Variants in SAP30L observed in about 807,000 individuals in gnomAD.
The protein encoded by SAP30L is histone deacetylase complex subunit SAP30L.
In SAP30L, 10 loss-of-function variants were observed where a neutral mutation model predicts 22.3. The observed-to-expected ratio is 0.45, with a 90% CI of 0.28 to 0.76. The LOEUF is 0.76. Among genes scored for constraint, SAP30L ranks in the 30% least tolerant of loss-of-function variants. SAP30L has a pLI of 0.14. For missense variants in SAP30L, 206 were observed against 237.9 expected (o/e 0.87, Z 0.88); for synonymous variants, 91 against 94.1 (o/e 0.97, Z 0.19).
chr5:154,448,329 A>G (rs1305843633), intron 1 of SAP30L, among the ~76,000 whole-genome samples: 3 of 152,224 alleles, frequency 2.0e-5, no homozygotes, highest in African/African-American at 4.8e-5. Flanking sequence ...GTTAATCATT[A>G]TAATACAGTT....
At chr5:154,449,294 G>A (rs906933725) in intron 1 of SAP30L, among the ~76,000 whole-genome samples, 1 of 152,088 alleles carries the variant, frequency 6.6e-6, no homozygotes, top group African/African-American at 2.4e-5. Flanking sequence ...TAGTATAAAG[G>A]AAAATGCTGG....
intron 2 of SAP30L, 184 bp from the exon 3 acceptor site, chr5:154,453,217 GT>G: frequency 1.9e-6 from 1 of 531,002 alleles, no homozygotes; most frequent in Non-Finnish European, 3.4e-6. Flanking sequence ...AGCCAGAACT[GT>G]TTTTCTACTG....
chr5:154,448,223 G>A (rs1303303287), intron 1 of SAP30L, among the ~76,000 whole-genome samples: 3 of 151,926 alleles, frequency 2.0e-5, no homozygotes, highest in Admixed American at 6.6e-5. Context: ...TGATCCACCC[G>A]CCTAGGCCTC....
At chr5:154,453,537 A>T (rs372096620) in intron 3 of SAP30L, 37 bp downstream of exon 3, 1 of 1,320,476 alleles carries the variant, frequency 7.6e-7, no homozygotes, top group Non-Finnish European at 1.1e-6. Context: ...GAGAGCCAGC[A>T]TTGTGCTGCT....
rs371604665 is a variant in SAP30L, at chr5:154,455,849, G to A, written c.424-51G>A. Reference sequence around the variant, plus strand: ...CTTCTTTGTACAATGTAGAATTTGCGGTGTGATTTGTGCATGGTTTAAGGA... The same window carrying A: ...CTTCTTTGTACAATGTAGAATTTGCAGTGTGATTTGTGCATGGTTTAAGGA... On this transcript the variant is annotated intron_variant, in intron 3 of 3. Coordinates refer to ENST00000297109, the MANE Select transcript of SAP30L (RefSeq NM_024632.6). 293 of 1,558,334 alleles carry A rather than the reference G, an allele frequency of 1.9e-4. No individual in the cohort carries two copies. The African/African-American group carries it at 3.7e-3, about 20-fold the overall frequency.
In SAP30L at chr5:154,459,086, C is replaced by G. The variant is rs1300210982; in HGVS notation, c.*3058C>G. ...TTTTTGTTAATATCCTGCAGGGCAA[C>G]TGCCTGTTGGGAGGGAGAGGATGGA... On this transcript the variant is annotated 3_prime_UTR_variant, in exon 4 of 4. Coordinates refer to ENST00000297109, the MANE Select transcript of SAP30L (RefSeq NM_024632.6). 2.0e-5 allele frequency: 3 copies of G among 152,190 alleles called. No individual in the cohort carries two copies. Among genetic ancestry groups the G allele is most frequent in the Non-Finnish European group, 4.4e-5 (3 of 68,028 alleles). 9.4% of individuals were successfully genotyped at this position (152,190 alleles called of 1,614,324 possible).
At chr5:154,452,106 A>G (rs567629202) in intron 2 of SAP30L, among the ~76,000 whole-genome samples, 6 of 152,336 alleles carry the variant, frequency 3.9e-5, no homozygotes, top group Admixed American at 2.0e-4. Context: ...TATAGTGTAC[A>G]TTGAATATTT....
At position 154,455,885 on chromosome 5, in the gene SAP30L, T is replaced by C. The variant is rs767475832; in HGVS notation, c.424-15T>C. ...TGCATGGTTTAAGGAACTTTGGTAT[T>C]TTCCCCCCACATAGACTGTGAGTCG... On this transcript the variant is annotated splice_polypyrimidine_tract_variant and intron_variant, in intron 3 of 3. Transcript: ENST00000297109. 10 of 1,599,720 alleles carry C rather than the reference T, an allele frequency of 6.3e-6. No individual in the cohort carries two copies. In the African/African-American group the frequency reaches 8.1e-5, roughly 13 times the overall value.
chr5:154,460,194 G>A lies in SAP30L; in HGVS notation c.*4166G>A, dbSNP rs1248492851. The A allele has an allele frequency of 2.6e-5, 4 of 152,102 alleles. No individual in the cohort carries two copies. The highest frequency in any genetic ancestry group is 2.1e-4 in the South Asian group (1 of 4,834). The allele number at this position is 152,102 out of a possible 1,614,324, so 9.4% of individuals were successfully genotyped here. Reference sequence around the variant, plus strand: ...CAACCTGCAGAACTCAAGATTGAGCGAAATGTTTAGGCCAGTTGAGTTTTG... The same window carrying A: ...CAACCTGCAGAACTCAAGATTGAGCAAAATGTTTAGGCCAGTTGAGTTTTG... On this transcript the variant is annotated 3_prime_UTR_variant, in exon 4 of 4. Transcript: ENST00000297109.
Position 154,455,930 on chromosome 5 carries a change from G to T in SAP30L, c.454G>T (p.Val152Leu). The change falls in exon 4 of 4, where the codon GTG (valine) becomes TTG (leucine). Residue 152 changes from valine (V) to leucine (L), a missense_variant. By Grantham distance (32) the Val-to-Leu change is conservative. Transcript: ENST00000297109. ...TVSRHFRNIP[V>L]NEKETLAYFI... ...GAGTCGACACTTCAGGAACATACCT[G>T]TGAATGAAAAAGAGACCCTTGCCTA... 3.1e-6 allele frequency: 5 copies of T among 1,614,032 alleles called. No individual in the cohort carries two copies. Among genetic ancestry groups the T allele is most frequent in the Non-Finnish European group, 4.2e-6 (5 of 1,179,992 alleles).
rs772595163 is a variant in SAP30L, at chr5:154,446,821, C to T, written c.201+16C>T. 4.0e-5 allele frequency: 64 copies of T among 1,593,440 alleles called. No homozygotes were observed. Among genetic ancestry groups the T allele is most frequent in the Non-Finnish European group, 5.4e-5 (63 of 1,170,872 alleles). ...CGACAAGAGCGTGAGTCCGCCCCCG[C>T]TCGCGTCTGGGCCCCGGCGCCCCCA... On this transcript the variant is annotated intron_variant, in intron 1 of 3. Transcript: ENST00000297109.
chr5:154,451,025 C>A lies in SAP30L; in HGVS notation c.202-66C>A, dbSNP rs528954552. On this transcript the variant is annotated intron_variant, in intron 1 of 3. Transcript: ENST00000297109. Reference sequence around the variant, plus strand: ...TGCAATGGAAGGAAGCCCCGCAATTCGACAGATACCTATTGCTGTCTCCAA... The same window carrying A: ...TGCAATGGAAGGAAGCCCCGCAATTAGACAGATACCTATTGCTGTCTCCAA... 24 of 1,570,640 alleles carry A rather than the reference C, an allele frequency of 1.5e-5. No individual in the cohort carries two copies. The African/African-American group carries it at 2.7e-4, about 18-fold the overall frequency.
chr5:154,454,921 A>AT (rs774810806), intron 3 of SAP30L, among the ~76,000 whole-genome samples: 8,322 of 145,178 alleles, frequency 0.057, 351 homozygotes, highest in African/African-American at 0.12. Context: ...ATTTAACACA[A>AT]TTTTTTTTTT....
At chr5:154,455,442 C>A (rs1757243605) in intron 3 of SAP30L, among the ~76,000 whole-genome samples, 1 of 152,158 alleles carries the variant, frequency 6.6e-6, no homozygotes, top group African/African-American at 2.4e-5. Flanking sequence ...CTCCTGGCCT[C>A]AACTAATCCT....
At position 154,459,735 on chromosome 5, in the gene SAP30L, ACAT is replaced by A. The variant is rs1260872375; in HGVS notation, c.*3713_*3715del. The stretch of plus-strand genomic sequence containing the variant: ...GCTTGCCCCACAAAAACGGATGCTC[ACAT>A]CATCAGGAAATTGTTCAGCTGGAGG... On this transcript the variant is annotated 3_prime_UTR_variant, in exon 4 of 4. Transcript: ENST00000297109. 6.6e-6 allele frequency: 1 copy of A among 152,230 alleles called. No individual in the cohort carries two copies. The highest frequency in any genetic ancestry group is 1.9e-4 in the East Asian group (1 of 5,206). 9.4% of individuals were successfully genotyped at this position (152,230 alleles called of 1,614,324 possible). A position where few individuals can be genotyped will look rare whatever the true frequency, so the allele number is the denominator to read the frequency against.
In SAP30L at chr5:154,446,728, G is replaced by A. The variant is rs1402259905; in HGVS notation, c.124G>A (p.Ala42Thr). The part of the protein sequence containing the change: ...IEDGERCVRP[A>T]GNASFSKRVQ... Reference sequence around the variant, plus strand: ...GGACGGCGAGCGCTGCGTCCGGCCCGCGGGCAACGCCTCCTTCAGCAAGAG... The same window carrying A: ...GGACGGCGAGCGCTGCGTCCGGCCCACGGGCAACGCCTCCTTCAGCAAGAG... The change falls in exon 1 of 4, where the codon GCG becomes ACG. Residue 42 changes from alanine to threonine, a missense_variant. Physicochemically the swap from Ala to Thr is moderately conservative, Grantham distance 58. Around this residue, in one of 2 missense-constraint regions of SAP30L, gnomAD observed 136 missense variants for 187.4 expected, o/e 0.73. Transcript: ENST00000297109. The A allele has an allele frequency of 6.2e-7, 1 of 1,605,676 alleles. No homozygotes were observed. Among genetic ancestry groups the A allele is most frequent in the Non-Finnish European group, 8.5e-7 (1 of 1,178,212 alleles).
intron 2 of SAP30L, among the ~76,000 whole-genome samples, chr5:154,452,798 C>T (rs538409195): frequency 2.0e-5 from 3 of 152,328 alleles, no homozygotes; most frequent in Admixed American, 6.5e-5. Flanking sequence ...CTATCATCCT[C>T]CAGGATGTCT....
At chr5:154,446,841 C>A in intron 1 of SAP30L, 36 bp downstream of exon 1, 1 of 1,551,288 alleles carries the variant, frequency 6.4e-7, no homozygotes, top group Non-Finnish European at 8.8e-7. Context: ...GGCCCCGGCG[C>A]CCCCAGCTCT....
In SAP30L at chr5:154,451,190, G is replaced by C; in HGVS notation, c.301G>C (p.Glu101Gln). ...KTSDDGGDSP[E>Q]HDTDIPEVDL... ...AAGTGACGATGGCGGAGATTCTCCC[G>C]AGCACGACACTGACATTCCTGAGGT... Residue 101 changes from glutamate (E) to glutamine (Q), a missense_variant, in exon 2 of 4, where the codon GAG becomes CAG. Around this residue, in one of 2 missense-constraint regions of SAP30L, gnomAD observed 136 missense variants for 187.4 expected, o/e 0.73. Transcript: ENST00000297109. 1.2e-6 allele frequency: 2 copies of C among 1,614,074 alleles called. No individual in the cohort carries two copies. The highest frequency in any genetic ancestry group is 1.7e-6 in the Non-Finnish European group (2 of 1,180,006).
Sources: gnomAD v4.1 joint callset for allele counts (sites outside exome capture counted in the v4.1 genomes callset) on GRCh38, gnomAD v4.1.1 for gene constraint, gnomAD v4.1.1 regional missense constraint, MANE v1.5 for transcripts, NCBI Gene and HGNC (gene_info 2026-07-23, HGNC 2026-07-21) for gene names.